The following OPCML variants were observed in gnomAD, a reference collection of about 807,000 sequenced individuals.
The protein encoded by OPCML is opioid-binding protein/cell adhesion molecule.
Under a neutral mutation model 37.8 loss-of-function variants are expected in OPCML, and 13 were observed. That is an observed-to-expected ratio of 0.34 (90% CI 0.22 to 0.55). The LOEUF (loss-of-function observed/expected upper bound fraction) is 0.55, where lower values mean the gene tolerates loss of function less well. Ranked by LOEUF, OPCML falls within the 20% of genes least tolerant of loss-of-function variation. The pLI is 0.91. For missense variants in OPCML, 341 were observed against 435.6 expected (o/e 0.78, Z 1.93); for synonymous variants, 176 against 168.8 (o/e 1.04, Z -0.33).
chr11:133,218,280 CA>C (rs1292737580), intron 1 of OPCML, among the ~76,000 whole-genome samples: 1 of 151,976 alleles, frequency 6.6e-6, no homozygotes, highest in East Asian at 1.9e-4. Flanking sequence ...CTGGGTCTGT[CA>C]AGTTCCCGAG....
At chr11:133,236,205 T>G (rs1940509715) in intron 1 of OPCML, among the ~76,000 whole-genome samples, 1 of 152,100 alleles carries the variant, frequency 6.6e-6, no homozygotes, top group African/African-American at 2.4e-5. Flanking sequence ...ATCCCCACAG[T>G]CGATCTGGTA....
chr11:133,084,446 A>T (rs969554568), intron 1 of OPCML, among the ~76,000 whole-genome samples: 1 of 152,242 alleles, frequency 6.6e-6, no homozygotes, highest in Non-Finnish European at 1.5e-5. Context: ...TGAGAGATTC[A>T]GCTTCCACAA....
At chr11:133,179,907 T>A (rs1298391773) in intron 1 of OPCML, among the ~76,000 whole-genome samples, 3 of 151,998 alleles carry the variant, frequency 2.0e-5, no homozygotes, top group African/African-American at 4.8e-5. Context: ...AGGGGACAGC[T>A]AGTAGGAGCA....
At chr11:133,277,130 T>C (rs1942016738) in intron 1 of OPCML, among the ~76,000 whole-genome samples, 1 of 152,194 alleles carries the variant, frequency 6.6e-6, no homozygotes, top group African/African-American at 2.4e-5. Flanking sequence ...AGACGAAGAC[T>C]TACTCATCCC....
intron 2 of OPCML, among the ~76,000 whole-genome samples, chr11:132,677,399 A>G (rs1220500810): frequency 2.0e-5 from 3 of 152,150 alleles, no homozygotes; most frequent in Non-Finnish European, 2.9e-5. Context: ...GGATATCGAG[A>G]CACTGATTCT....
In OPCML at chr11:132,439,453, G is replaced by A. The variant is rs865824555; in HGVS notation, c.506-2094C>T. Among the ~76,000 whole-genome samples, 4 of 152,326 alleles carry A rather than the reference G, an allele frequency of 2.6e-5. No individual in the cohort carries two copies. The South Asian group carries it at 8.3e-4, about 32-fold the overall frequency. On this transcript the variant is annotated intron_variant, in intron 4 of 7. Coordinates refer to ENST00000524381, the MANE Select transcript of OPCML (RefSeq NM_001012393.5). ...TGGATCAAAAGCCTCTACCACAGCA[G>A]ACATAATGATCCAGGCTAGTTCATA...
intron 2 of OPCML, among the ~76,000 whole-genome samples, chr11:132,705,821 CT>C (rs1030875250): frequency 3.3e-5 from 5 of 152,036 alleles, no homozygotes; most frequent in African/African-American, 9.6e-5. Context: ...TATTTCTTTT[CT>C]TTTTCGAGAC....
chr11:132,536,170 C>T (rs573250102), intron 3 of OPCML, among the ~76,000 whole-genome samples: 18 of 152,328 alleles, frequency 1.2e-4, no homozygotes, highest in African/African-American at 4.1e-4. Flanking sequence ...AGGGCCTGCT[C>T]TCCATTAGAG....
intron 2 of OPCML, among the ~76,000 whole-genome samples, chr11:132,813,958 G>A (rs1939489418): frequency 1.3e-5 from 2 of 152,116 alleles, no homozygotes; most frequent in African/African-American, 4.8e-5. Context: ...TTCAAATAAC[G>A]TGTCCATCGC....
intron 1 of OPCML, among the ~76,000 whole-genome samples, chr11:133,319,522 T>C (rs1272088213): frequency 6.6e-6 from 1 of 152,226 alleles, no homozygotes; most frequent in African/African-American, 2.4e-5. Context: ...AAAGGAAGAA[T>C]ACCCATAAAT....
chr11:133,204,032 TG>T (rs1360937912), intron 1 of OPCML, among the ~76,000 whole-genome samples: 5 of 110,322 alleles, frequency 4.5e-5, no homozygotes, highest in African/African-American at 7.2e-5. Context: ...CATTCCAGCC[TG>T]GGGGGACAGA....
chr11:132,954,024 G>A (rs1945920747), intron 1 of OPCML, among the ~76,000 whole-genome samples: 2 of 152,142 alleles, frequency 1.3e-5, no homozygotes, highest in Admixed American at 6.5e-5. Context: ...TGTATAACAT[G>A]TCAGTTACTT....
At chr11:133,269,923 A>G (rs908053959) in intron 1 of OPCML, among the ~76,000 whole-genome samples, 14 of 152,188 alleles carry the variant, frequency 9.2e-5, no homozygotes, top group African/African-American at 3.1e-4. Context: ...TGCTTCCAAG[A>G]GGTGTGATTT....
intron 2 of OPCML, among the ~76,000 whole-genome samples, chr11:132,680,164 G>A (rs1005050143): frequency 2.6e-5 from 4 of 152,170 alleles, no homozygotes; most frequent in Non-Finnish European, 4.4e-5. Context: ...CCGTGATCAA[G>A]CCATTGTGCA....
At chr11:132,676,093 A>G (rs932350314) in intron 2 of OPCML, among the ~76,000 whole-genome samples, 40 of 152,300 alleles carry the variant, frequency 2.6e-4, no homozygotes, top group Admixed American at 2.4e-3. Flanking sequence ...AAAGATAAAC[A>G]TATAGATCAA....
rs778550678 is a variant in OPCML at position 133,063,578 on chromosome 11, TC to T, written c.62-120569del. On this transcript the variant is annotated intron_variant, in intron 1 of 7. Transcript: ENST00000524381. ...TTTACAGAGCTGTTGGTTTTTTTTTTCGGAGGGAGTTTTGCTCTTGTCACCC... is the reference window on the plus strand; with the variant it reads ...TTTACAGAGCTGTTGGTTTTTTTTTTGGAGGGAGTTTTGCTCTTGTCACCC... Among the ~76,000 whole-genome samples, 114 of 151,190 alleles carry T rather than the reference TC, an allele frequency of 7.5e-4. 1 individual carries two copies. Among genetic ancestry groups the T allele is most frequent in the African/African-American group, 2.3e-3 (93 of 41,280 alleles).
intron 2 of OPCML, among the ~76,000 whole-genome samples, chr11:132,757,666 T>A (rs977914772): frequency 2.0e-5 from 3 of 152,212 alleles, no homozygotes; most frequent in Non-Finnish European, 4.4e-5. Context: ...CTTGTAAAAT[T>A]GTTTAAGTTC....
intron 1 of OPCML, among the ~76,000 whole-genome samples, chr11:133,387,186 T>A (rs1190710739): frequency 6.6e-6 from 1 of 152,220 alleles, no homozygotes; most frequent in African/African-American, 2.4e-5. Context: ...CAGGGCTTAA[T>A]GTGGCCCTGC....
rs1210056505 is a variant in OPCML at position 132,420,116 on chromosome 11, G to A, written c.*77C>T. 5.3e-6 allele frequency: 6 copies of A among 1,140,482 alleles called. No homozygotes were observed. Among genetic ancestry groups the A allele is most frequent in the Non-Finnish European group, 7.5e-6 (6 of 799,462 alleles). The allele number at this position is 1,140,482 out of a possible 1,614,324, so 70.6% of individuals were successfully genotyped here. A position where few individuals can be genotyped will look rare whatever the true frequency, so the allele number is the denominator to read the frequency against. ...AAAAAAACAAAAAGAAGCCCAAGCT[G>A]GTTTGCTCTCCGCAGTGTAGATTAA... On this transcript the variant is annotated 3_prime_UTR_variant, in exon 8 of 8. Transcript: ENST00000524381.
Sources: allele counts gnomAD v4.1 joint callset (sites outside exome capture counted in the v4.1 genomes callset), GRCh38; gene constraint gnomAD v4.1.1; transcripts MANE v1.5; gene names NCBI Gene and HGNC (gene_info 2026-07-23, HGNC 2026-07-21).